TMEFF2: variants seen among roughly 807,000 people sequenced by gnomAD.
The protein encoded by TMEFF2 is tomoregulin-2.
Under a neutral mutation model 53.8 loss-of-function variants are expected in TMEFF2, and 28 were observed. That is an observed-to-expected ratio of 0.52 (90% CI 0.39 to 0.71). The LOEUF (loss-of-function observed/expected upper bound fraction) is 0.71, where lower values mean the gene tolerates loss of function less well. Among genes scored for constraint, TMEFF2 ranks in the 30% least tolerant of loss-of-function variants. The pLI is 0.00. For synonymous variants in TMEFF2, 162 were observed against 166.3 expected, an observed-to-expected ratio of 0.97 and a Z score of 0.20; for missense variants, 353 against 455.2, an observed-to-expected ratio of 0.78 and a Z score of 2.04.
chr2:192,096,336 G>T (rs1688902865), intron 4 of TMEFF2, among the ~76,000 whole-genome samples: 2 of 152,082 alleles, frequency 1.3e-5, no homozygotes, highest in Admixed American at 6.6e-5. Flanking sequence ...ACAGACATGT[G>T]ACTGTATGCT....
intron 4 of TMEFF2, among the ~76,000 whole-genome samples, chr2:192,156,388 G>A (rs906610349): frequency 5.3e-5 from 8 of 151,920 alleles, no homozygotes; most frequent in Non-Finnish European, 8.8e-5. Flanking sequence ...CTAAGCCACA[G>A]AGAACAGCAT....
intron 4 of TMEFF2, 193 bp downstream of exon 4, chr2:192,179,475 T>G (rs1691132954): frequency 4.5e-6 from 2 of 448,350 alleles, no homozygotes; most frequent in African/African-American, 4.1e-5. Flanking sequence ...TAGAGTATGA[T>G]TCATAAGTAT....
At chr2:192,038,179 T>C (rs1403644737) in intron 5 of TMEFF2, 1 of 152,232 alleles carries the variant, frequency 6.6e-6, no homozygotes, top group Non-Finnish European at 1.5e-5. Context: ...CCCCAGGTTT[T>C]CTAGAGCACA....
At chr2:191,964,897 C>T (rs1294244817) in intron 7 of TMEFF2, among the ~76,000 whole-genome samples, 2 of 152,098 alleles carry the variant, frequency 1.3e-5, no homozygotes, top group Non-Finnish European at 2.9e-5. Context: ...TTTTGAAGCC[C>T]TCTCTTCCCT....
intron 4 of TMEFF2, among the ~76,000 whole-genome samples, chr2:192,103,199 T>G (rs373141765): frequency 6.6e-6 from 1 of 152,178 alleles, no homozygotes; most frequent in Non-Finnish European, 1.5e-5. Context: ...TTTTCTGATG[T>G]TTATCCCTGC....
intron 5 of TMEFF2, among the ~76,000 whole-genome samples, chr2:192,019,718 C>T (rs1356112325): frequency 6.6e-6 from 1 of 150,992 alleles, no homozygotes; most frequent in Non-Finnish European, 1.5e-5. Flanking sequence ...TTTTTCTTTA[C>T]TAAGAATAAA....
chr2:192,162,495 A>G (rs1006554449), intron 4 of TMEFF2, among the ~76,000 whole-genome samples: 1 of 152,160 alleles, frequency 6.6e-6, no homozygotes, highest in Admixed American at 6.6e-5. Context: ...ACAGGGGGAA[A>G]TAACTTCTAT....
At chr2:192,171,211 A>G (rs1211484876) in intron 4 of TMEFF2, among the ~76,000 whole-genome samples, 1 of 152,088 alleles carries the variant, frequency 6.6e-6, no homozygotes, top group Non-Finnish European at 1.5e-5. Context: ...AGCAAAACCT[A>G]GGATATTTTC....
chr2:191,949,302 A>ACATCT lies in TMEFF2; in HGVS notation c.*1004_*1008dup, dbSNP rs1691793890. 1.0e-6 allele frequency: 1 copy of ACATCT among 985,254 alleles called. No individual in the cohort carries two copies. The highest frequency in any genetic ancestry group is 1.7e-5 in the African/African-American group (1 of 57,230). 61.0% of individuals were successfully genotyped at this position (985,254 alleles called of 1,614,324 possible). ...ACCTCACCACATAAATATGCTCAAA[A>ACATCT]CATCTCTCTGTTTTCATGAAATATC... On this transcript the variant is annotated 3_prime_UTR_variant, in exon 10 of 10. Transcript: ENST00000272771.
intron 7 of TMEFF2, among the ~76,000 whole-genome samples, chr2:191,993,565 A>G (rs1216305524): frequency 2.0e-5 from 3 of 151,964 alleles, no homozygotes; most frequent in Non-Finnish European, 4.4e-5. Flanking sequence ...AATCCAGCAT[A>G]GTCTTTATCT....
intron 4 of TMEFF2, among the ~76,000 whole-genome samples, chr2:192,075,308 T>TATAAATATAAATATAA (rs1553518800): frequency 8.8e-5 from 6 of 67,946 alleles, no homozygotes; most frequent in Non-Finnish European, 1.6e-4. Context: ...TATATATATA[T>TATAAATATAAATATAA]ATATATATAT....
At chr2:192,001,931 T>C (rs1031428643) in intron 5 of TMEFF2, among the ~76,000 whole-genome samples, 1 of 152,230 alleles carries the variant, frequency 6.6e-6, no homozygotes, top group African/African-American at 2.4e-5. Context: ...TTAGAATCAG[T>C]GTTTCACTGA....
intron 4 of TMEFF2, among the ~76,000 whole-genome samples, chr2:192,131,582 A>G (rs1278469790): frequency 6.6e-6 from 1 of 151,516 alleles, no homozygotes; most frequent in Non-Finnish European, 1.5e-5. Context: ...TCTGTGCCCC[A>G]ATCCCTTATT....
At chr2:192,033,831 C>G (rs1248289939) in intron 5 of TMEFF2, among the ~76,000 whole-genome samples, 1 of 152,122 alleles carries the variant, frequency 6.6e-6, no homozygotes, top group Non-Finnish European at 1.5e-5. Flanking sequence ...TGAGAATTCT[C>G]TAGTTAGTTT....
At chr2:192,099,088 A>C (rs573149928) in intron 4 of TMEFF2, among the ~76,000 whole-genome samples, 1 of 152,164 alleles carries the variant, frequency 6.6e-6, no homozygotes, top group Non-Finnish European at 1.5e-5. Flanking sequence ...GGGAACCAGC[A>C]CAAAGCATGG....
intron 4 of TMEFF2, among the ~76,000 whole-genome samples, chr2:192,157,371 G>A (rs538686615): frequency 1.1e-4 from 16 of 151,956 alleles, no homozygotes; most frequent in East Asian, 1.9e-4. Context: ...AGAGAAATGC[G>A]TATTACTTAG....
intron 7 of TMEFF2, among the ~76,000 whole-genome samples, chr2:191,958,689 G>C (rs1325722144): frequency 6.6e-6 from 1 of 152,204 alleles, no homozygotes; most frequent in Non-Finnish European, 1.5e-5. Flanking sequence ...GTAGGGAATA[G>C]TTTCCATTGT....
chr2:192,081,785 T>C (rs1688558826), intron 4 of TMEFF2, among the ~76,000 whole-genome samples: 1 of 151,464 alleles, frequency 6.6e-6, no homozygotes. Context: ...GTACCATAAT[T>C]ATTAAACGAT....
chr2:192,115,498 C>T (rs988215452), intron 4 of TMEFF2, among the ~76,000 whole-genome samples: 2 of 151,716 alleles, frequency 1.3e-5, no homozygotes, highest in African/African-American at 2.4e-5. Context: ...TTACATCAAA[C>T]AAAAAAGTTT....
Sources: allele counts gnomAD v4.1 joint callset (sites outside exome capture counted in the v4.1 genomes callset), GRCh38; gene constraint gnomAD v4.1.1; transcripts MANE v1.5; gene names NCBI Gene and HGNC (gene_info 2026-07-23, HGNC 2026-07-21).